MALRD1: variants seen among roughly 807,000 people sequenced by gnomAD.
The protein encoded by MALRD1 is MAM and LDL-receptor class A domain-containing protein 1.
Under a neutral mutation model 242.1 loss-of-function variants are expected in MALRD1, and 247 were observed. The ratio of observed to expected loss-of-function variants is 1.02; its 90% CI spans 0.92 to 1.13. The LOEUF is 1.13. MALRD1 is among the 50% of genes most tolerant of loss of function. The pLI is 0.00. For missense variants in MALRD1, 2,989 were observed against 2,533.1 expected (o/e 1.18, Z -3.86); for synonymous variants, 995 against 866.6 (o/e 1.15, Z -2.60).
chr10:19,349,596 A>G (rs1041828550), intron 25 of MALRD1, among the ~76,000 whole-genome samples: 3 of 152,266 alleles, frequency 2.0e-5, no homozygotes, highest in African/African-American at 7.2e-5. Flanking sequence ...TTTATCAAGT[A>G]TAGTTTTTAT....
At chr10:19,156,590 A>G (rs1834156581) in intron 12 of MALRD1, among the ~76,000 whole-genome samples, 1 of 152,126 alleles carries the variant, frequency 6.6e-6, no homozygotes, top group Non-Finnish European at 1.5e-5. Flanking sequence ...TATAGAAAAA[A>G]TTGAATGTAA....
chr10:19,146,202 G>A lies in MALRD1; in HGVS notation c.1416G>A (p.Lys472=). The part of the protein sequence containing the change: ...ESDEDPATCS[K]HLTCDFESGF... ...TTTCTCTTCTACGTGTAACAGCAAAGCATCTCACCTGTGACTTTGAGTCGG... is the reference window on the plus strand; with the variant it reads ...TTTCTCTTCTACGTGTAACAGCAAAACATCTCACCTGTGACTTTGAGTCGG... Residue 472 remains lysine, a synonymous_variant, in exon 11 of 40, where the codon AAG becomes AAA. Transcript: ENST00000454679. The A allele has an allele frequency of 8.1e-6, 10 of 1,231,612 alleles. No homozygotes were observed. Among genetic ancestry groups the A allele is most frequent in the Non-Finnish European group, 1.0e-5 (10 of 987,936 alleles). The allele number at this position is 1,231,612 out of a possible 1,614,324, so 76.3% of individuals were successfully genotyped here.
At chr10:19,322,055 C>T (rs1842933258) in intron 21 of MALRD1, among the ~76,000 whole-genome samples, 2 of 152,070 alleles carry the variant, frequency 1.3e-5, no homozygotes, top group African/African-American at 4.8e-5. Flanking sequence ...ACTCAATTTC[C>T]TGGTGGACAT....
At chr10:19,384,791 A>G (rs1192162824) in intron 26 of MALRD1, among the ~76,000 whole-genome samples, 1 of 148,898 alleles carries the variant, frequency 6.7e-6, no homozygotes. Flanking sequence ...GGCTAGGACT[A>G]CTAGTACTAG....
intron 33 of MALRD1, among the ~76,000 whole-genome samples, chr10:19,586,800 C>T (rs561410651): frequency 2.0e-5 from 3 of 152,236 alleles, no homozygotes; most frequent in Admixed American, 6.5e-5. Context: ...CAAGCCTGGG[C>T]AATGGCAGGT....
At chr10:19,461,187 A>T (rs57840886) in intron 29 of MALRD1, among the ~76,000 whole-genome samples, 8,508 of 152,230 alleles carry the variant, frequency 0.056, 767 homozygotes, top group African/African-American at 0.19. Context: ...CTCATTTAAG[A>T]GGGGAATAAG....
At chr10:19,065,872 T>G (rs1029989542) in intron 1 of MALRD1, among the ~76,000 whole-genome samples, 2 of 152,182 alleles carry the variant, frequency 1.3e-5, no homozygotes, top group Admixed American at 6.5e-5. Flanking sequence ...CAGCCACTGA[T>G]GGTTGAGTTT....
chr10:19,542,294 T>C (rs1835006083), intron 32 of MALRD1, among the ~76,000 whole-genome samples: 1 of 152,154 alleles, frequency 6.6e-6, no homozygotes, highest in Admixed American at 6.5e-5. Context: ...AAGTAACTTT[T>C]CTTTTACATT....
intron 33 of MALRD1, among the ~76,000 whole-genome samples, chr10:19,594,727 C>A (rs1288203951): frequency 6.6e-6 from 1 of 151,992 alleles, no homozygotes; most frequent in African/African-American, 2.4e-5. Flanking sequence ...ATGAAGTAAA[C>A]CAGGAATGGA....
intron 36 of MALRD1, among the ~76,000 whole-genome samples, chr10:19,666,038 A>G (rs903189992): frequency 1.3e-5 from 2 of 152,144 alleles, no homozygotes; most frequent in South Asian, 2.1e-4. Flanking sequence ...TGTCCTCTTC[A>G]TCCCTCCTTG....
At chr10:19,619,445 G>A (rs1839306836) in intron 36 of MALRD1, among the ~76,000 whole-genome samples, 1 of 151,952 alleles carries the variant, frequency 6.6e-6, no homozygotes, top group South Asian at 2.1e-4. Context: ...TATTTATGAT[G>A]ATCAGAATTT....
intron 1 of MALRD1, among the ~76,000 whole-genome samples, chr10:19,055,893 A>C (rs1286409572): frequency 6.6e-6 from 1 of 152,210 alleles, no homozygotes; most frequent in East Asian, 1.9e-4. Context: ...CCTATTGCGT[A>C]CTATTCTTAT....
intron 2 of MALRD1, among the ~76,000 whole-genome samples, chr10:19,085,498 A>C (rs780864648): frequency 2.0e-5 from 3 of 151,980 alleles, no homozygotes; most frequent in Non-Finnish European, 4.4e-5. Context: ...ACAAAGAAAA[A>C]AGTTTATTAC....
rs756221826 is a variant in MALRD1, at chr10:19,083,382, T to G, written c.341-4458T>G. On this transcript the variant is annotated intron_variant, in intron 2 of 39. Coordinates refer to ENST00000454679, the MANE Select transcript of MALRD1 (RefSeq NM_001142308.3). ...CAGAGCATGTGCACAGCCCTACACA[T>G]GCACATGTCTGGCTAGATTTGCAGG... 3.2e-4 allele frequency among the ~76,000 whole-genome samples: 49 copies of G among 152,146 alleles called. 1 individual carries two copies. The highest frequency in any genetic ancestry group is 2.4e-4 in the African/African-American group (10 of 41,546).
intron 28 of MALRD1, among the ~76,000 whole-genome samples, chr10:19,436,719 T>G (rs1834364118): frequency 6.6e-6 from 1 of 152,208 alleles, no homozygotes; most frequent in Non-Finnish European, 1.5e-5. Flanking sequence ...ACATTTGCAT[T>G]GATTGGTCAG....
At chr10:19,243,465 A>G (rs567503776) in intron 18 of MALRD1, among the ~76,000 whole-genome samples, 2 of 152,252 alleles carry the variant, frequency 1.3e-5, no homozygotes. Flanking sequence ...ATTTTACAGG[A>G]TAAATATATT....
At chr10:19,337,275 T>A (rs954886652) in intron 24 of MALRD1, among the ~76,000 whole-genome samples, 2 of 152,128 alleles carry the variant, frequency 1.3e-5, no homozygotes, top group Non-Finnish European at 2.9e-5. Context: ...TGATCAGTGC[T>A]ATGAGAAAAA....
intron 28 of MALRD1, among the ~76,000 whole-genome samples, chr10:19,441,052 G>A (rs1362939256): frequency 6.6e-6 from 1 of 152,110 alleles, no homozygotes; most frequent in Non-Finnish European, 1.5e-5. Flanking sequence ...GGTGTGAGAT[G>A]GTATCCCATT....
chr10:19,543,076 A>G (rs1178378609), intron 32 of MALRD1, among the ~76,000 whole-genome samples: 1 of 152,156 alleles, frequency 6.6e-6, no homozygotes, highest in Non-Finnish European at 1.5e-5. Flanking sequence ...GAGCCCTGCA[A>G]GAGTACTATT....
Sources: gnomAD v4.1 joint callset for allele counts (sites outside exome capture counted in the v4.1 genomes callset) on GRCh38, gnomAD v4.1.1 for gene constraint, MANE v1.5 for transcripts, NCBI Gene and HGNC (gene_info 2026-07-23, HGNC 2026-07-21) for gene names.